Variants in SLC4A5 observed in about 807,000 individuals in gnomAD.
The protein encoded by SLC4A5 is solute carrier family 4 member 5.
Under a neutral mutation model 120.4 loss-of-function variants are expected in SLC4A5, and 96 were observed. That is an observed-to-expected ratio of 0.80 (90% CI 0.68 to 0.94). The LOEUF is 0.94. Ranked by LOEUF, SLC4A5 falls within the 40% of genes least tolerant of loss-of-function variation. SLC4A5 has a pLI of 0.00. For synonymous variants in SLC4A5, 550 were observed against 571.1 expected (o/e 0.96, Z 0.53); for missense variants, 1,259 against 1,459.5 (o/e 0.86, Z 2.24).
chr2:74,264,817 T>C (rs937646482), intron 9 of SLC4A5, among the ~76,000 whole-genome samples: 5 of 152,188 alleles, frequency 3.3e-5, no homozygotes, highest in Non-Finnish European at 4.4e-5. Context: ...CAGGTTGTCA[T>C]GGCAAGAGGT....
At chr2:74,296,386 C>G (rs10204607) in intron 7 of SLC4A5, among the ~76,000 whole-genome samples, 1 of 151,840 alleles carries the variant, frequency 6.6e-6, no homozygotes, top group East Asian at 1.9e-4. Flanking sequence ...CTTCTCCCCT[C>G]TTCACCACTT....
chr2:74,220,393 C>G (rs2103861996), intron 30 of SLC4A5, among the ~76,000 whole-genome samples: 1 of 150,868 alleles, frequency 6.6e-6, no homozygotes, highest in African/African-American at 2.5e-5. Flanking sequence ...CCCTTTCTGA[C>G]CTTTGCTAAT....
At chr2:74,287,072 G>A (rs546271906) in intron 7 of SLC4A5, among the ~76,000 whole-genome samples, 6 of 152,166 alleles carry the variant, frequency 3.9e-5, no homozygotes, top group East Asian at 1.9e-4. Context: ...GCCCTGCCCC[G>A]ACGCAATCTC....
chr2:74,247,225 C>G, exon 19 of SLC4A5: 1 of 1,614,238 alleles, frequency 6.2e-7, no homozygotes, highest in Non-Finnish European at 8.5e-7. Flanking sequence ...AAGCTGGCAT[C>G]TGTGGCCACT....
chr2:74,233,803 G>A (rs1670177597), intron 22 of SLC4A5, among the ~76,000 whole-genome samples: 1 of 152,180 alleles, frequency 6.6e-6, no homozygotes, highest in Non-Finnish European at 1.5e-5. Context: ...ACAGCCCTGG[G>A]GTTTGTCAGG....
At chr2:74,296,540 ATCACTTGAG>A (rs1357930837) in intron 7 of SLC4A5, among the ~76,000 whole-genome samples, 2 of 149,788 alleles carry the variant, frequency 1.3e-5, no homozygotes, top group Non-Finnish European at 3.0e-5. Context: ...AGGCAGGTGG[ATCACTTGAG>A]TCACTTGAGG....
exon 17 of SLC4A5, chr2:74,250,497 A>G: frequency 6.2e-7 from 1 of 1,614,242 alleles, no homozygotes; most frequent in Non-Finnish European, 8.5e-7. Flanking sequence ...CTTGATATCC[A>G]GACACAGGCC....
chr2:74,232,773 G>A, intron 23 of SLC4A5, 126 bp from the exon 24 acceptor site: 2 of 1,224,582 alleles, frequency 1.6e-6, no homozygotes, highest in South Asian at 1.4e-5. Context: ...GGCCTGAGGT[G>A]CTCCTTGCAA....
At chr2:74,256,719 A>G (rs976251397) in intron 12 of SLC4A5, among the ~76,000 whole-genome samples, 1 of 152,196 alleles carries the variant, frequency 6.6e-6, no homozygotes, top group African/African-American at 2.4e-5. Context: ...AAGATACCCC[A>G]GGGATGGTTA....
At chr2:74,222,035 C>T (rs1694668340) in intron 29 of SLC4A5, among the ~76,000 whole-genome samples, 1 of 152,112 alleles carries the variant, frequency 6.6e-6, no homozygotes, top group African/African-American at 2.4e-5. Flanking sequence ...AGGCAGCCTC[C>T]CTCTCAGCTG....
chr2:74,276,824 C>A (rs1406876100), intron 8 of SLC4A5, among the ~76,000 whole-genome samples: 2 of 152,022 alleles, frequency 1.3e-5, no homozygotes, highest in Non-Finnish European at 2.9e-5. Context: ...AGATCAGATT[C>A]TCCATGAAGA....
In SLC4A5 at chr2:74,222,867, C is replaced by G; in HGVS notation, c.3331+1G>C. On this transcript the variant is annotated splice_donor_variant, in intron 29 of 30. Transcript: ENST00000394019. LOFTEE classifies it high-confidence loss of function. Reference sequence around the variant, plus strand: ...GGAGAGACATCATGTGTTTTACTTACTGGCAATGCAGTGGATACCGTTTTG... The same window carrying G: ...GGAGAGACATCATGTGTTTTACTTAGTGGCAATGCAGTGGATACCGTTTTG... 3 of 1,610,064 alleles carry G rather than the reference C, an allele frequency of 1.9e-6. No homozygotes were observed. In the South Asian group the frequency reaches 3.3e-5, roughly 18 times the overall value.
intron 9 of SLC4A5, 103 bp from the exon 10 acceptor site, chr2:74,264,402 G>A: frequency 7.3e-7 from 1 of 1,375,364 alleles, no homozygotes; most frequent in Non-Finnish European, 9.8e-7. Context: ...ATGTGGCAGA[G>A]GGGGTGTGGA....
intron 24 of SLC4A5, 136 bp downstream of exon 24, chr2:74,232,333 C>G: frequency 1.0e-6 from 1 of 1,004,670 alleles, no homozygotes; most frequent in Non-Finnish European, 1.5e-6. Flanking sequence ...GGATAGCACT[C>G]CTGTCCCTGT....
At chr2:74,323,790 A>G (rs1426654782) in intron 5 of SLC4A5, among the ~76,000 whole-genome samples, 1 of 152,246 alleles carries the variant, frequency 6.6e-6, no homozygotes, top group African/African-American at 2.4e-5. Context: ...GATATTCTAC[A>G]TTGGGAGGAT....
rs1210183800 is a variant in SLC4A5, at chr2:74,244,499, CCTT to C, written c.2060-2450_2060-2448del. On this transcript the variant is annotated intron_variant, in intron 19 of 30. Coordinates refer to ENST00000394019, the Ensembl canonical transcript of SLC4A5. ...CTTTCTTCTCCTTTCTCTCTCCCTTCCTTCTTTTCTTTCCCCTTTCTTTCTCTT... is the reference window on the plus strand; with the variant it reads ...CTTTCTTCTCCTTTCTCTCTCCCTTCCTTTTCTTTCCCCTTTCTTTCTCTT... Among the ~76,000 whole-genome samples, 377 of 67,326 alleles carry C rather than the reference CCTT, an allele frequency of 5.6e-3. 3 individuals are homozygous for C. The highest frequency in any genetic ancestry group is 0.013 in the African/African-American group (349 of 26,560). 44.2% of individuals were successfully genotyped at this position (67,326 alleles called of 152,430 possible). A position where few individuals can be genotyped will look rare whatever the true frequency, so the allele number is the denominator to read the frequency against.
chr2:74,320,467 C>G (rs912103712), intron 5 of SLC4A5, among the ~76,000 whole-genome samples: 1 of 152,158 alleles, frequency 6.6e-6, no homozygotes, highest in African/African-American at 2.4e-5. Flanking sequence ...TCAATCACTA[C>G]AGTGGAAGCT....
chr2:74,339,682 A>C (rs1046296470), intron 2 of SLC4A5: 1 of 152,232 alleles, frequency 6.6e-6, no homozygotes, highest in African/African-American at 2.4e-5. Flanking sequence ...AATTAAGTAA[A>C]TTCCACTTCT....
At chr2:74,339,685 C>T (rs918544023) in intron 2 of SLC4A5, 4 of 152,202 alleles carry the variant, frequency 2.6e-5, no homozygotes, top group African/African-American at 9.7e-5. Context: ...TAAGTAAATT[C>T]CACTTCTGGG....
Sources: gnomAD v4.1 joint callset for allele counts (sites outside exome capture counted in the v4.1 genomes callset) on GRCh38, gnomAD v4.1.1 for gene constraint, MANE v1.5 for transcripts, NCBI Gene and HGNC (gene_info 2026-07-23, HGNC 2026-07-21) for gene names.